Variants in LRFN5 observed in about 807,000 individuals in gnomAD.
LRFN5 encodes the protein leucine rich repeat and fibronectin type III domain containing 5, also known as leucine-rich repeat and fibronectin type-III domain-containing protein 5.
A neutral mutation model predicts 45.6 loss-of-function variants in LRFN5; 24 were observed. That is an observed-to-expected ratio of 0.53 (90% CI 0.38 to 0.74). The LOEUF is 0.74. Among genes scored for constraint, LRFN5 ranks in the 30% least tolerant of loss-of-function variants. LRFN5 has a pLI of 0.00. For synonymous variants in LRFN5, 340 were observed against 313.8 expected, an observed-to-expected ratio of 1.08 and a Z score of -0.88; for missense variants, 776 against 861.5, an observed-to-expected ratio of 0.90 and a Z score of 1.24.
At chr14:41,692,485 T>TAACA (rs1467768486) in intron 1 of LRFN5, among the ~76,000 whole-genome samples, 6 of 152,124 alleles carry the variant, frequency 3.9e-5, no homozygotes, top group Non-Finnish European at 7.4e-5. Context: ...TACATGTGTA[T>TAACA]ACATGTGCCA....
At chr14:41,781,564 GAAAGAAAGAAAGAA>G (rs1886490989) in intron 2 of LRFN5, among the ~76,000 whole-genome samples, 1 of 34,220 alleles carries the variant, frequency 2.9e-5, no homozygotes, top group South Asian at 1.4e-3. Flanking sequence ...GAAAGAGAAA[GAAAGAAAGAAAGAA>G]AGAAAGAAAG....
At chr14:41,774,008 T>G (rs7154241) in intron 2 of LRFN5, among the ~76,000 whole-genome samples, 95,593 of 151,976 alleles carry the variant, frequency 0.63, 31,162 homozygotes, top group East Asian at 0.95. Flanking sequence ...TTGGTCTTTG[T>G]GTTGCTAACA....
At chr14:41,744,136 T>C (rs767685328) in intron 1 of LRFN5, among the ~76,000 whole-genome samples, 9 of 152,110 alleles carry the variant, frequency 5.9e-5, no homozygotes, top group Non-Finnish European at 1.3e-4. Context: ...AGTGAATTGC[T>C]CAAGCCCAGA....
At chr14:41,850,026 A>G (rs1180211260) in intron 2 of LRFN5, among the ~76,000 whole-genome samples, 2 of 151,914 alleles carry the variant, frequency 1.3e-5, no homozygotes, top group Non-Finnish European at 2.9e-5. Flanking sequence ...ACAATGACCT[A>G]CTTAGGTTTT....
rs1312895541 is a variant in LRFN5, at chr14:41,704,432, C to CTGTGTGTGTG, written c.-196-62421_-196-62420insGTGTGTGTGT. ...TTTCTCTCTCTCTCTCTCTCTCTCT[C>CTGTGTGTGTG]TCTCTCTCTCTCTCTCTGTGTGTGT... On this transcript the variant is annotated intron_variant, in intron 1 of 5. Coordinates refer to ENST00000298119, the MANE Select transcript of LRFN5 (RefSeq NM_152447.5). Among the ~76,000 whole-genome samples the CTGTGTGTGTG allele has an allele frequency of 3.3e-3, 95 of 28,578 alleles. 1 individual carries two copies. In the East Asian group the frequency reaches 0.12, roughly 37 times the overall value. The allele number at this position is 28,578 out of a possible 152,430, so 18.7% of individuals were successfully genotyped here. A position where few individuals can be genotyped will look rare whatever the true frequency, so the allele number is the denominator to read the frequency against.
intron 2 of LRFN5, among the ~76,000 whole-genome samples, chr14:41,839,126 A>G (rs1888767835): frequency 6.6e-6 from 1 of 152,122 alleles, no homozygotes. Context: ...TTAATTTCAT[A>G]AATTACTTGG....
chr14:41,666,793 A>G (rs1327637056), intron 1 of LRFN5, among the ~76,000 whole-genome samples: 1 of 152,158 alleles, frequency 6.6e-6, no homozygotes, highest in Non-Finnish European at 1.5e-5. Context: ...CAAGAGTGAC[A>G]GAAAAGAGAG....
At chr14:41,705,026 A>T (rs967957166) in intron 1 of LRFN5, among the ~76,000 whole-genome samples, 2 of 152,138 alleles carry the variant, frequency 1.3e-5, no homozygotes, top group Non-Finnish European at 2.9e-5. Flanking sequence ...TTATAAGGAT[A>T]AGTTATTATG....
chr14:41,777,827 A>C (rs947296607), intron 2 of LRFN5, among the ~76,000 whole-genome samples: 2 of 151,752 alleles, frequency 1.3e-5, no homozygotes, highest in Admixed American at 6.6e-5. Flanking sequence ...TCTTCTTCAT[A>C]ATGAACATTA....
Position 41,670,256 on chromosome 14 carries a change from GATATATATATATATATATATATATAT to G in LRFN5, c.-197+61718_-197+61743del, listed in dbSNP as rs1165968461. ...ACACACACACACACACATACACACA[GATATATATATATATATATATATATAT>G]ATATATATATATATATATATATACA... On this transcript the variant is annotated intron_variant, in intron 1 of 5. Transcript: ENST00000298119. Among the ~76,000 whole-genome samples the G allele has an allele frequency of 4.2e-3, 192 of 45,750 alleles. 6 individuals are homozygous for G. Among genetic ancestry groups the G allele is most frequent in the African/African-American group, 0.013 (166 of 12,382 alleles). 30.0% of individuals were successfully genotyped at this position (45,750 alleles called of 152,430 possible). A position where few individuals can be genotyped will look rare whatever the true frequency, so the allele number is the denominator to read the frequency against.
chr14:41,668,016 T>C (rs1880987102), intron 1 of LRFN5, among the ~76,000 whole-genome samples: 1 of 152,152 alleles, frequency 6.6e-6, no homozygotes, highest in Admixed American at 6.5e-5. Flanking sequence ...TGTAGAACTT[T>C]GGGAAGGTCG....
intron 2 of LRFN5, among the ~76,000 whole-genome samples, chr14:41,777,772 T>C (rs1398744619): frequency 2.0e-5 from 3 of 151,798 alleles, no homozygotes; most frequent in Non-Finnish European, 4.4e-5. Flanking sequence ...CATTTTTGGA[T>C]ATATACACTG....
Position 41,624,720 on chromosome 14 carries a change from A to G in LRFN5, c.-197+16158A>G, listed in dbSNP as rs779323153. On this transcript the variant is annotated intron_variant, in intron 1 of 5. Coordinates refer to ENST00000298119, the MANE Select transcript of LRFN5 (RefSeq NM_152447.5). ...GAAGTGCAGAATCTGACTAAAAGCA[A>G]CAAAGGCAACTAAGCAAAAACAAAG... 5.4e-4 allele frequency among the ~76,000 whole-genome samples: 83 copies of G among 152,294 alleles called. 1 individual carries two copies. The highest frequency in any genetic ancestry group is 3.4e-3 in the Middle Eastern group (1 of 294).
rs139239177 is a variant in LRFN5 at position 41,891,550 on chromosome 14, G to C, written c.1686G>C (p.Lys562Asn). 1.1e-5 allele frequency: 18 copies of C among 1,614,052 alleles called. No individual in the cohort carries two copies. Among genetic ancestry groups the C allele is most frequent in the Non-Finnish European group, 1.4e-5 (17 of 1,180,040 alleles). The part of the protein sequence containing the change: ...YKVCNNNGQH[K>N]VTKVSNVYSQ... Reference sequence around the variant, plus strand: ...TTTGCAACAATAATGGGCAACACAAGGTCACCAAGGTTAGCAATGTTTATT... The same window carrying C: ...TTTGCAACAATAATGGGCAACACAACGTCACCAAGGTTAGCAATGTTTATT... The change falls in exon 4 of 6, where the codon AAG (lysine) becomes AAC (asparagine). Residue 562 changes from lysine to asparagine, a missense_variant. This residue lies in a region of LRFN5 where 465 missense variants were observed against 456.4 expected (regional missense o/e 1.02). Transcript: ENST00000298119.
In LRFN5 at chr14:41,608,505, G is replaced by T. The variant is rs1335403424; in HGVS notation, c.-254G>T. On this transcript the variant is annotated 5_prime_UTR_variant, in exon 1 of 6. Coordinates refer to ENST00000298119, the MANE Select transcript of LRFN5 (RefSeq NM_152447.5). The stretch of plus-strand genomic sequence containing the variant: ...AAGCCACCTGGAGCCACCTTGCCGG[G>T]ATTGTACCTGCAGGCAGAAAGTCTT... The T allele has an allele frequency of 6.5e-6, 1 of 152,708 alleles. No homozygotes were observed. Among genetic ancestry groups the T allele is most frequent in the African/African-American group, 2.4e-5 (1 of 41,442 alleles). The allele number at this position is 152,708 out of a possible 1,614,324, so 9.5% of individuals were successfully genotyped here.
intron 1 of LRFN5, among the ~76,000 whole-genome samples, chr14:41,618,226 C>T (rs1329915493): frequency 1.3e-5 from 2 of 152,142 alleles, no homozygotes; most frequent in Admixed American, 6.5e-5. Flanking sequence ...CTGTAAGCTA[C>T]GTTGTTACCT....
intron 4 of LRFN5, among the ~76,000 whole-genome samples, chr14:41,897,845 A>T (rs1890989277): frequency 6.6e-6 from 1 of 152,118 alleles, no homozygotes; most frequent in African/African-American, 2.4e-5. Context: ...CCTTTCATTT[A>T]ATGTACTTGT....
intron 1 of LRFN5, among the ~76,000 whole-genome samples, chr14:41,662,958 T>C (rs1340645345): frequency 6.6e-6 from 1 of 151,650 alleles, no homozygotes; most frequent in African/African-American, 2.4e-5. Context: ...TCACATATCA[T>C]ATGAAATTGT....
chr14:41,772,102 T>G (rs1235685520), intron 2 of LRFN5, among the ~76,000 whole-genome samples: 1 of 151,998 alleles, frequency 6.6e-6, no homozygotes, highest in East Asian at 1.9e-4. Flanking sequence ...ATGATGATAG[T>G]AGGAACAAGA....
Sources: allele counts gnomAD v4.1 joint callset (sites outside exome capture counted in the v4.1 genomes callset), GRCh38; gene constraint gnomAD v4.1.1; regional missense constraint gnomAD v4.1.1; transcripts MANE v1.5; gene names NCBI Gene and HGNC (gene_info 2026-07-23, HGNC 2026-07-21).